Variants in WWOX observed in about 807,000 individuals in gnomAD.
The protein encoded by WWOX is WW domain containing oxidoreductase.
WWOX carries 69 observed loss-of-function variants against 46.2 expected under a neutral mutation model. The observed-to-expected ratio is 1.49, with a 90% CI of 1.23 to 1.82. The LOEUF is 1.82. Ranked by LOEUF, WWOX falls within the 40% of genes most tolerant of loss-of-function variation. The pLI is 0.00. For synonymous variants in WWOX, 359 were observed against 202.6 expected, an observed-to-expected ratio of 1.77 and a Z score of -6.56; for missense variants, 919 against 542.6, an observed-to-expected ratio of 1.69 and a Z score of -6.89.
At chr16:78,395,095 G>T (rs779555985) in intron 6 of WWOX, among the ~76,000 whole-genome samples, 1 of 152,152 alleles carries the variant, frequency 6.6e-6, no homozygotes, top group African/African-American at 2.4e-5. Flanking sequence ...CATCTTGATC[G>T]TAAAATGATC....
chr16:78,636,469 C>G (rs1187969467), intron 8 of WWOX, among the ~76,000 whole-genome samples: 1 of 152,212 alleles, frequency 6.6e-6, no homozygotes, highest in Non-Finnish European at 1.5e-5. Flanking sequence ...TTTGAATAAA[C>G]TGATACTGAC....
chr16:78,386,224 G>A (rs190094676), intron 5 of WWOX, among the ~76,000 whole-genome samples: 7 of 152,284 alleles, frequency 4.6e-5, no homozygotes, highest in Admixed American at 3.9e-4. Flanking sequence ...TGTCCAGCCC[G>A]TGGCAGGCCC....
chr16:78,634,633 G>T (rs1417286753), intron 8 of WWOX, among the ~76,000 whole-genome samples: 1 of 151,776 alleles, frequency 6.6e-6, no homozygotes, highest in Non-Finnish European at 1.5e-5. Flanking sequence ...TTGAACCCAG[G>T]AGGCGGAGGT....
At chr16:78,915,569 T>A (rs887078640) in intron 8 of WWOX, among the ~76,000 whole-genome samples, 6 of 152,070 alleles carry the variant, frequency 3.9e-5, no homozygotes, top group African/African-American at 1.4e-4. Flanking sequence ...TTTAAAAAAA[T>A]GAAAAATTGC....
chr16:78,148,012 C>G (rs193059165), intron 4 of WWOX, among the ~76,000 whole-genome samples: 2 of 151,744 alleles, frequency 1.3e-5, no homozygotes, highest in African/African-American at 2.4e-5. Context: ...AACCCTGTCT[C>G]GAGCAGACGA....
chr16:78,531,681 A>C (rs1175483751), intron 8 of WWOX, among the ~76,000 whole-genome samples: 6 of 151,986 alleles, frequency 3.9e-5, no homozygotes, highest in Non-Finnish European at 8.8e-5. Context: ...TGTCTCTACT[A>C]AAAATACAAA....
intron 5 of WWOX, among the ~76,000 whole-genome samples, chr16:78,353,839 T>A (rs2081230391): frequency 6.6e-6 from 1 of 152,218 alleles, no homozygotes; most frequent in Non-Finnish European, 1.5e-5. Context: ...TTGGGTGGCG[T>A]TCGCTTTACC....
At chr16:78,579,986 G>T (rs1293794522) in intron 8 of WWOX, among the ~76,000 whole-genome samples, 3 of 152,174 alleles carry the variant, frequency 2.0e-5, no homozygotes, top group Admixed American at 6.5e-5. Flanking sequence ...CAGCGTTTAA[G>T]GCGCTTGCTC....
chr16:79,200,552 A>G (rs2150828303), intron 8 of WWOX, among the ~76,000 whole-genome samples: 1 of 152,172 alleles, frequency 6.6e-6, no homozygotes, highest in South Asian at 2.1e-4. Context: ...GGGAGTGAGG[A>G]TATTGTGCGA....
intron 8 of WWOX, among the ~76,000 whole-genome samples, chr16:78,820,003 A>G (rs28478597): frequency 0.11 from 16,554 of 152,196 alleles, 945 homozygotes; most frequent in South Asian, 0.16. Context: ...GGGGATGGTA[A>G]TGTGGTGATA....
intron 5 of WWOX, among the ~76,000 whole-genome samples, chr16:78,295,450 G>A (rs190588298): frequency 1.0e-3 from 153 of 152,292 alleles, no homozygotes; most frequent in Non-Finnish European, 1.9e-3. Context: ...GGTGGCTCAC[G>A]CCTGTAATCC....
intron 8 of WWOX, among the ~76,000 whole-genome samples, chr16:78,934,558 C>G (rs1333518883): frequency 1.4e-5 from 2 of 138,992 alleles, no homozygotes; most frequent in African/African-American, 5.3e-5. Flanking sequence ...AACCAAGAAA[C>G]TTACAGAGAA....
At chr16:78,879,239 C>T (rs536629472) in intron 8 of WWOX, among the ~76,000 whole-genome samples, 13 of 152,124 alleles carry the variant, frequency 8.5e-5, no homozygotes, top group Admixed American at 2.0e-4. Context: ...TTGGGCATGC[C>T]GGGCAGGCTT....
chr16:79,128,533 T>C (rs1402426471), intron 8 of WWOX, among the ~76,000 whole-genome samples: 1 of 152,180 alleles, frequency 6.6e-6, no homozygotes, highest in Non-Finnish European at 1.5e-5. Context: ...TATTAAGGAA[T>C]GGTACCATGT....
At chr16:78,827,866 A>G (rs558729167) in intron 8 of WWOX, among the ~76,000 whole-genome samples, 1 of 152,030 alleles carries the variant, frequency 6.6e-6, no homozygotes, top group Non-Finnish European at 1.5e-5. Flanking sequence ...AACAAAACAT[A>G]TGGCCAGCAG....
intron 5 of WWOX, among the ~76,000 whole-genome samples, chr16:78,373,705 T>C (rs964233182): frequency 7.9e-5 from 12 of 152,222 alleles, no homozygotes; most frequent in African/African-American, 2.9e-4. Context: ...TTTCTTTTGA[T>C]GACTGATAAA....
At chr16:78,103,279 T>G (rs1414825820) in intron 1 of WWOX, among the ~76,000 whole-genome samples, 1 of 151,384 alleles carries the variant, frequency 6.6e-6, no homozygotes, top group African/African-American at 2.4e-5. Context: ...TAATTTAACT[T>G]TAAATTCCGG....
intron 8 of WWOX, among the ~76,000 whole-genome samples, chr16:79,190,827 G>A (rs923001670): frequency 3.9e-5 from 6 of 152,202 alleles, no homozygotes; most frequent in African/African-American, 1.4e-4. Context: ...ACTTATAAAT[G>A]TAGAGCCTGC....
chr16:79,195,333 G>A (rs1739058967), intron 8 of WWOX, among the ~76,000 whole-genome samples: 1 of 152,114 alleles, frequency 6.6e-6, no homozygotes, highest in South Asian at 2.1e-4. Context: ...GAATGCTCCA[G>A]TCAATCCCAA....
Sources: allele counts gnomAD v4.1 joint callset (sites outside exome capture counted in the v4.1 genomes callset), GRCh38; gene constraint gnomAD v4.1.1; transcripts MANE v1.5; gene names NCBI Gene and HGNC (gene_info 2026-07-23, HGNC 2026-07-21).